C1orf21: variants seen among roughly 807,000 people sequenced by gnomAD.
The protein encoded by C1orf21 is uncharacterized protein C1orf21.
Under a neutral mutation model 18.7 loss-of-function variants are expected in C1orf21, and 3 were observed. That is an observed-to-expected ratio of 0.16 (90% CI 0.07 to 0.42). The LOEUF is 0.42. C1orf21 is among the 10% of genes least tolerant of loss of function. C1orf21 has a pLI of 0.99. For synonymous variants in C1orf21, 41 were observed against 46.4 expected (o/e 0.88, Z 0.47); for missense variants, 104 against 143.6 (o/e 0.72, Z 1.41).
chr1:184,595,552 T>C (rs1158971877), intron 4 of C1orf21, among the ~76,000 whole-genome samples: 1 of 152,148 alleles, frequency 6.6e-6, no homozygotes, highest in Non-Finnish European at 1.5e-5. Flanking sequence ...AATTTTTATT[T>C]CATCAGAATA....
At chr1:184,480,688 C>G (rs1242879157) in intron 2 of C1orf21, among the ~76,000 whole-genome samples, 2 of 152,122 alleles carry the variant, frequency 1.3e-5, no homozygotes. Context: ...TGACTTTATT[C>G]CATAGCTTAG....
At chr1:184,417,357 C>T (rs1184035492) in intron 1 of C1orf21, among the ~76,000 whole-genome samples, 2 of 152,138 alleles carry the variant, frequency 1.3e-5, no homozygotes, top group Admixed American at 6.5e-5. Flanking sequence ...TACACCCCTC[C>T]CCCAAAGACA....
In C1orf21 at chr1:184,601,997, TTA is replaced by T. The variant is rs549249387; in HGVS notation, c.327+3539_327+3540del. ...CTGAGGATACAAAATTAGATAGGAATTATAGAGTACAATATAAATAAATAGTA... is the reference window on the plus strand; with the variant it reads ...CTGAGGATACAAAATTAGATAGGAATTAGAGTACAATATAAATAAATAGTA... On this transcript the variant is annotated intron_variant, in intron 5 of 5. Coordinates refer to ENST00000235307, the MANE Select transcript of C1orf21 (RefSeq NM_030806.4). Among the ~76,000 whole-genome samples the T allele has an allele frequency of 3.4e-3, 520 of 152,268 alleles. 5 individuals are homozygous for T. Among genetic ancestry groups the T allele is most frequent in the African/African-American group, 0.012 (501 of 41,566 alleles).
chr1:184,483,015 T>G (rs1177460088), intron 2 of C1orf21, among the ~76,000 whole-genome samples: 1 of 152,216 alleles, frequency 6.6e-6, no homozygotes, highest in Non-Finnish European at 1.5e-5. Flanking sequence ...GACAAGGAAC[T>G]TCACCAGTGA....
At chr1:184,581,528 G>C (rs1445049259) in intron 3 of C1orf21, among the ~76,000 whole-genome samples, 2 of 152,048 alleles carry the variant, frequency 1.3e-5, no homozygotes, top group African/African-American at 4.8e-5. Flanking sequence ...AATTGAATGT[G>C]GTTCTTCCAA....
chr1:184,628,903 T>G lies in C1orf21; in HGVS notation c.*9347T>G, dbSNP rs1416086470. 1 of 152,656 alleles carries G rather than the reference T, an allele frequency of 6.6e-6. No homozygotes were observed. The highest frequency in any genetic ancestry group is 1.5e-5 in the Non-Finnish European group (1 of 68,044). The allele number at this position is 152,656 out of a possible 1,614,324, so 9.5% of individuals were successfully genotyped here. ...ATGTAATGATGATTCTATTCCATTT[T>G]GAAAAGGGTCTGAGAAAGTGTACAG... On this transcript the variant is annotated 3_prime_UTR_variant, in exon 6 of 6. Coordinates refer to ENST00000235307, the MANE Select transcript of C1orf21 (RefSeq NM_030806.4).
At chr1:184,506,658 A>G (rs902340486) in intron 2 of C1orf21, among the ~76,000 whole-genome samples, 9 of 152,212 alleles carry the variant, frequency 5.9e-5, no homozygotes, top group Admixed American at 1.3e-4. Flanking sequence ...AGATTGGGTT[A>G]AGAATGATTC....
intron 1 of C1orf21, among the ~76,000 whole-genome samples, chr1:184,467,175 G>A (rs992829286): frequency 5.3e-5 from 8 of 152,124 alleles, no homozygotes; most frequent in African/African-American, 7.2e-5. Flanking sequence ...CTTAAAAGCC[G>A]TCTCATCTCT....
intron 5 of C1orf21, among the ~76,000 whole-genome samples, chr1:184,607,149 A>T (rs1253468705): frequency 2.6e-5 from 4 of 152,204 alleles, no homozygotes; most frequent in Non-Finnish European, 5.9e-5. Flanking sequence ...AGTTGATTCA[A>T]AAAGGAGTAC....
chr1:184,540,853 C>T (rs924414649), intron 3 of C1orf21, among the ~76,000 whole-genome samples: 1 of 152,140 alleles, frequency 6.6e-6, no homozygotes, highest in African/African-American at 2.4e-5. Flanking sequence ...CCACAAATAG[C>T]GTAAATGCCA....
chr1:184,420,351 C>T (rs923116835), intron 1 of C1orf21, among the ~76,000 whole-genome samples: 18 of 151,962 alleles, frequency 1.2e-4, no homozygotes, highest in Non-Finnish European at 1.9e-4. Context: ...GGATTATTCA[C>T]GTAAGACATG....
At chr1:184,406,786 C>G (rs552702502) in intron 1 of C1orf21, among the ~76,000 whole-genome samples, 24 of 152,152 alleles carry the variant, frequency 1.6e-4, no homozygotes, top group Middle Eastern at 3.4e-3. Flanking sequence ...ACACTGCCTC[C>G]TACTCTGATT....
chr1:184,555,805 A>T lies in C1orf21; in HGVS notation c.190-34934A>T, dbSNP rs562389952. ...GGCATTCTTCTGACTTAGCTAAACA[A>T]GCTTCTGGCAGGAAAAATAATTTCC... On this transcript the variant is annotated intron_variant, in intron 3 of 5. Coordinates refer to ENST00000235307, the MANE Select transcript of C1orf21 (RefSeq NM_030806.4). 7.9e-5 allele frequency among the ~76,000 whole-genome samples: 12 copies of T among 152,242 alleles called. No individual in the cohort carries two copies. In the South Asian group the frequency reaches 2.5e-3, roughly 32 times the overall value.
chr1:184,571,419 G>C (rs182907808), intron 3 of C1orf21, among the ~76,000 whole-genome samples: 4 of 152,176 alleles, frequency 2.6e-5, no homozygotes, highest in Admixed American at 6.5e-5. Context: ...ATGTGACTGT[G>C]TTTAACAACT....
chr1:184,590,657 GT>G, intron 3 of C1orf21, 81 bp from the exon 4 acceptor site: 1 of 1,381,546 alleles, frequency 7.2e-7, no homozygotes, highest in Middle Eastern at 2.0e-4. Flanking sequence ...CAGATTGAAC[GT>G]TTGTGTGATG....
At chr1:184,587,764 C>T (rs1168519160) in intron 3 of C1orf21, among the ~76,000 whole-genome samples, 1 of 151,334 alleles carries the variant, frequency 6.6e-6, no homozygotes. Flanking sequence ...TAGAGGCACA[C>T]ACCACCATGC....
At chr1:184,560,924 C>T (rs987842602) in intron 3 of C1orf21, among the ~76,000 whole-genome samples, 25 of 152,218 alleles carry the variant, frequency 1.6e-4, no homozygotes, top group Middle Eastern at 6.8e-3. Context: ...TTAATTAGTA[C>T]GCCAGTTATC....
At chr1:184,514,024 C>T (rs1461421340) in intron 3 of C1orf21, among the ~76,000 whole-genome samples, 23 of 152,118 alleles carry the variant, frequency 1.5e-4, no homozygotes, top group Non-Finnish European at 2.5e-4. Flanking sequence ...GGGCTACGTG[C>T]GGTGGCTCAT....
chr1:184,435,591 C>T (rs1303913787), intron 1 of C1orf21, among the ~76,000 whole-genome samples: 1 of 152,184 alleles, frequency 6.6e-6, no homozygotes, highest in African/African-American at 2.4e-5. Context: ...GATCTGCCCA[C>T]CTTGACCTCC....
Sources: gnomAD v4.1 joint callset for allele counts (sites outside exome capture counted in the v4.1 genomes callset) on GRCh38, gnomAD v4.1.1 for gene constraint, MANE v1.5 for transcripts, NCBI Gene and HGNC (gene_info 2026-07-23, HGNC 2026-07-21) for gene names.